The following FOXO3 variants were observed in gnomAD, a reference collection of about 807,000 sequenced individuals.
The protein encoded by FOXO3 is forkhead box protein O3.
FOXO3 carries 4 observed loss-of-function variants against 41.9 expected under a neutral mutation model. The ratio of observed to expected loss-of-function variants is 0.10; its 90% CI spans 0.05 to 0.22. The LOEUF is 0.22. FOXO3 is among the 10% of genes least tolerant of loss of function. FOXO3 has a pLI of 1.00. For synonymous variants in FOXO3, 318 were observed against 389.3 expected (o/e 0.82, Z 2.16); for missense variants, 534 against 906.8 (o/e 0.59, Z 5.28).
At chr6:108,571,400 C>T (rs1182526308) in intron 1 of FOXO3, among the ~76,000 whole-genome samples, 1 of 152,036 alleles carries the variant, frequency 6.6e-6, no homozygotes, top group African/African-American at 2.4e-5. Context: ...AAATAGAGTT[C>T]CTCTAAAATT....
At chr6:108,602,571 A>G (rs1172959580) in intron 1 of FOXO3, among the ~76,000 whole-genome samples, 1 of 151,852 alleles carries the variant, frequency 6.6e-6, no homozygotes, top group Non-Finnish European at 1.5e-5. Context: ...GAGTTTTTGT[A>G]TGTTGCTGCT....
chr6:108,642,383 G>C (rs1245904357), intron 1 of FOXO3, among the ~76,000 whole-genome samples: 1 of 152,072 alleles, frequency 6.6e-6, no homozygotes, highest in African/African-American at 2.4e-5. Context: ...GAGCCACCAT[G>C]CCCGTCCTGA....
At chr6:108,665,055 G>A (rs1779008991) in intron 2 of FOXO3, among the ~76,000 whole-genome samples, 166 bp downstream of exon 2, 1 of 152,196 alleles carries the variant, frequency 6.6e-6, no homozygotes, top group Non-Finnish European at 1.5e-5. Flanking sequence ...GGTTTTACCT[G>A]CAAACCAAAT....
intron 1 of FOXO3, among the ~76,000 whole-genome samples, chr6:108,565,152 T>A (rs1243548575): frequency 6.6e-6 from 1 of 152,158 alleles, no homozygotes; most frequent in Non-Finnish European, 1.5e-5. Context: ...GCTGAGTGAG[T>A]GTATCATGTT....
intron 2 of FOXO3, among the ~76,000 whole-genome samples, chr6:108,665,587 CTG>C (rs1190076293): frequency 2.0e-5 from 3 of 152,104 alleles, no homozygotes; most frequent in Non-Finnish European, 4.4e-5. Context: ...CTATGGGAGA[CTG>C]AAGCAGGAAT....
chr6:108,568,592 CT>C (rs1450723303), intron 1 of FOXO3, among the ~76,000 whole-genome samples: 1 of 152,162 alleles, frequency 6.6e-6, no homozygotes, highest in African/African-American at 2.4e-5. Context: ...ATAAGTGTTT[CT>C]AATATTTGGA....
intron 1 of FOXO3, among the ~76,000 whole-genome samples, chr6:108,591,152 T>C (rs745758256): frequency 2.6e-5 from 4 of 152,194 alleles, no homozygotes; most frequent in Non-Finnish European, 2.9e-5. Flanking sequence ...CTGGGACTTA[T>C]CGGGTGACCT....
intron 2 of FOXO3, among the ~76,000 whole-genome samples, chr6:108,669,749 A>G (rs533900389): frequency 6.6e-6 from 1 of 152,262 alleles, no homozygotes; most frequent in East Asian, 1.9e-4. Flanking sequence ...CCTGGAAAGC[A>G]GTGACATTTA....
At chr6:108,585,902 G>A (rs542079387) in intron 1 of FOXO3, among the ~76,000 whole-genome samples, 6 of 152,318 alleles carry the variant, frequency 3.9e-5, no homozygotes, top group East Asian at 3.9e-4. Context: ...TCTGGCTGCT[G>A]CCCTTATGTC....
At chr6:108,650,108 G>A (rs1778507223) in intron 1 of FOXO3, among the ~76,000 whole-genome samples, 2 of 152,148 alleles carry the variant, frequency 1.3e-5, no homozygotes, top group Admixed American at 6.5e-5. Context: ...AGAAAGTTTG[G>A]GGAGATAATC....
At chr6:108,632,570 G>T (rs1778002675) in intron 1 of FOXO3, among the ~76,000 whole-genome samples, 2 of 152,158 alleles carry the variant, frequency 1.3e-5, no homozygotes, top group Non-Finnish European at 2.9e-5. Context: ...CCTGGGTCAG[G>T]ATGGGACCTG....
intron 1 of FOXO3, among the ~76,000 whole-genome samples, chr6:108,588,404 A>T (rs1776645276): frequency 6.6e-6 from 1 of 152,182 alleles, no homozygotes; most frequent in African/African-American, 2.4e-5. Flanking sequence ...CAGTTGCACA[A>T]TTACATTTGT....
intron 1 of FOXO3, among the ~76,000 whole-genome samples, chr6:108,626,695 T>A (rs1229245819): frequency 6.6e-6 from 1 of 152,132 alleles, no homozygotes; most frequent in Non-Finnish European, 1.5e-5. Context: ...TCTTATTAAA[T>A]CACTAATCTG....
At chr6:108,596,233 A>G (rs1222712635) in intron 1 of FOXO3, among the ~76,000 whole-genome samples, 1 of 151,996 alleles carries the variant, frequency 6.6e-6, no homozygotes, top group African/African-American at 2.4e-5. Context: ...GTTTTTGAGG[A>G]ATAATGGACC....
chr6:108,668,245 T>C (rs1779114251), intron 2 of FOXO3, among the ~76,000 whole-genome samples: 1 of 152,228 alleles, frequency 6.6e-6, no homozygotes, highest in Non-Finnish European at 1.5e-5. Flanking sequence ...GCAGTCTTGC[T>C]GGGGAGCTGC....
At chr6:108,630,829 T>C (rs1265560363) in intron 1 of FOXO3, among the ~76,000 whole-genome samples, 1 of 152,182 alleles carries the variant, frequency 6.6e-6, no homozygotes, top group East Asian at 1.9e-4. Context: ...TCTGCTGCCC[T>C]TTCTTCCTAT....
intron 1 of FOXO3, among the ~76,000 whole-genome samples, chr6:108,567,744 T>C (rs901238290): frequency 2.6e-5 from 4 of 151,970 alleles, no homozygotes; most frequent in African/African-American, 9.7e-5. Context: ...ACCTCGTCTC[T>C]ACCAGAAAAA....
intron 1 of FOXO3, among the ~76,000 whole-genome samples, chr6:108,636,492 TG>T (rs1456221135): frequency 1.3e-5 from 2 of 151,064 alleles, no homozygotes; most frequent in African/African-American, 2.4e-5. Context: ...TGGGCTGGGG[TG>T]GGGGGTGCAT....
At chr6:108,608,106 C>T (rs1003038982) in intron 1 of FOXO3, among the ~76,000 whole-genome samples, 4 of 152,096 alleles carry the variant, frequency 2.6e-5, no homozygotes, top group Admixed American at 2.6e-4. Context: ...TAGTCCAGTT[C>T]CCTCATTTTA....
Sources: gnomAD v4.1 joint callset for allele counts (sites outside exome capture counted in the v4.1 genomes callset) on GRCh38, gnomAD v4.1.1 for gene constraint, MANE v1.5 for transcripts, NCBI Gene and HGNC (gene_info 2026-07-23, HGNC 2026-07-21) for gene names.